Variants in SERPINI1 observed in about 807,000 individuals in gnomAD.
SERPINI1 encodes serpin family I member 1.
A neutral mutation model predicts 41.1 loss-of-function variants in SERPINI1; 19 were observed. The ratio of observed to expected loss-of-function variants is 0.46; its 90% confidence interval spans 0.32 to 0.68. The LOEUF (loss-of-function observed/expected upper bound fraction) is 0.68, where lower values mean the gene tolerates loss of function less well. Among genes scored for constraint, SERPINI1 ranks in the 30% least tolerant of loss-of-function variants. SERPINI1 has a pLI of 0.03. For missense variants in SERPINI1, 460 were observed against 479.2 expected (o/e 0.96, Z 0.37); for synonymous variants, 138 against 156.6 (o/e 0.88, Z 0.89).
intron 6 of SERPINI1, among the ~76,000 whole-genome samples, chr3:167,815,757 C>T (rs1472240681): frequency 6.6e-6 from 1 of 152,126 alleles, no homozygotes; most frequent in Non-Finnish European, 1.5e-5. Context: ...GGCTGATTGT[C>T]TTAAGGTCTC....
At chr3:167,778,204 T>C (rs1441566585) in intron 1 of SERPINI1, among the ~76,000 whole-genome samples, 3 of 151,244 alleles carry the variant, frequency 2.0e-5, no homozygotes, top group Non-Finnish European at 2.9e-5. Context: ...CTTGCATGCA[T>C]GTAAAATAAC....
intron 1 of SERPINI1, among the ~76,000 whole-genome samples, chr3:167,778,058 T>C (rs1199888247): frequency 6.6e-6 from 1 of 152,200 alleles, no homozygotes; most frequent in Non-Finnish European, 1.5e-5. Flanking sequence ...CTTCCCAGCA[T>C]TCAGAATCAT....
chr3:167,797,258 TG>T (rs1307737547), intron 5 of SERPINI1, among the ~76,000 whole-genome samples: 2 of 152,202 alleles, frequency 1.3e-5, no homozygotes, highest in Non-Finnish European at 2.9e-5. Context: ...CTTTGTCAGA[TG>T]GATAGATTGG....
At chr3:167,752,809 C>G (rs754830800) in intron 1 of SERPINI1, among the ~76,000 whole-genome samples, 2 of 151,918 alleles carry the variant, frequency 1.3e-5, no homozygotes, top group Non-Finnish European at 2.9e-5. Context: ...TGCCATCAGG[C>G]CTTCATATTA....
chr3:167,738,010 A>G (rs1049887776), intron 1 of SERPINI1, among the ~76,000 whole-genome samples: 11 of 152,056 alleles, frequency 7.2e-5, no homozygotes, highest in African/African-American at 2.4e-4. Flanking sequence ...AATATATGGC[A>G]TTTATTTTTT....
intron 1 of SERPINI1, among the ~76,000 whole-genome samples, chr3:167,774,001 G>T (rs559783853): frequency 2.1e-4 from 32 of 152,148 alleles, no homozygotes; most frequent in Middle Eastern, 3.4e-3. Context: ...ATCAGTTAGA[G>T]ATTTCTTCTG....
At chr3:167,781,411 G>A (rs1329117937) in intron 1 of SERPINI1, among the ~76,000 whole-genome samples, 1 of 151,996 alleles carries the variant, frequency 6.6e-6, no homozygotes, top group African/African-American at 2.4e-5. Flanking sequence ...TGTGATTGAT[G>A]TAGTCATTCT....
intron 4 of SERPINI1, among the ~76,000 whole-genome samples, chr3:167,793,596 A>AT (rs141371005): frequency 1.9e-4 from 27 of 140,612 alleles, no homozygotes; most frequent in East Asian, 1.0e-3. Flanking sequence ...ATATATATAT[A>AT]TTTTTAATTA....
At chr3:167,808,090 C>G (rs1294076178) in intron 6 of SERPINI1, among the ~76,000 whole-genome samples, 2 of 151,468 alleles carry the variant, frequency 1.3e-5, no homozygotes, top group Non-Finnish European at 2.9e-5. Flanking sequence ...TGTACTCCAG[C>G]CTGGGCAACA....
intron 1 of SERPINI1, among the ~76,000 whole-genome samples, chr3:167,783,945 G>A (rs561251743): frequency 7.9e-5 from 12 of 152,180 alleles, no homozygotes; most frequent in Non-Finnish European, 1.3e-4. Context: ...CAGCCACATG[G>A]TCCAAATTTC....
At chr3:167,807,387 T>C (rs1303184647) in intron 6 of SERPINI1, 46 bp downstream of exon 6, 1 of 1,203,702 alleles carries the variant, frequency 8.3e-7, no homozygotes, top group Admixed American at 1.7e-5. Context: ...CCATAAGAGC[T>C]TTATTAAATG....
At chr3:167,789,565 G>A (rs1727429486) in intron 2 of SERPINI1, among the ~76,000 whole-genome samples, 187 bp downstream of exon 2, 1 of 152,150 alleles carries the variant, frequency 6.6e-6, no homozygotes, top group Non-Finnish European at 1.5e-5. Context: ...CTGGCTGAAT[G>A]AATCTAAGGA....
rs13080325 is a variant in SERPINI1 at position 167,792,414 on chromosome 3, A to G, written c.482-176A>G. Among the ~76,000 whole-genome samples, 18,925 of 151,132 alleles carry G rather than the reference A, an allele frequency of 0.13. 1,406 individuals carry two copies. The highest frequency in any genetic ancestry group is 0.21 in the African/African-American group (8,437 of 41,058). On this transcript the variant is annotated intron_variant, in intron 3 of 8. Coordinates refer to ENST00000446050, the MANE Select transcript of SERPINI1 (RefSeq NM_001122752.2). ...ATATATATATATGTAGTGTGTGTGT[A>G]TGTGTGTGTGTATAACTCTTTTCCC...
chr3:167,793,838 A>ATGTGTG (rs56401913), intron 4 of SERPINI1, among the ~76,000 whole-genome samples: 30,539 of 141,108 alleles, frequency 0.22, 3,820 homozygotes, highest in Non-Finnish European at 0.3. Flanking sequence ...GGCCATATGT[A>ATGTGTG]TGTGTGTGTG....
chr3:167,794,640 A>C lies in SERPINI1; in HGVS notation c.697A>C (p.Asn233His). ...FYYGEFSDGS[N>H]EAGGIYQVLE... is the part of the protein sequence containing the mutation. ...TTTAGGGGAATTTAGTGATGGCTCCAATGAAGCTGGTGGTATCTACCAAGT... is the reference window on the plus strand; with the variant it reads ...TTTAGGGGAATTTAGTGATGGCTCCCATGAAGCTGGTGGTATCTACCAAGT... Residue 233 changes from asparagine to histidine, a missense_variant, in exon 5 of 9, where the codon AAT (asparagine) becomes CAT (histidine). Asn to His is a moderately conservative substitution (Grantham distance 68). Transcript: ENST00000446050. The C allele has an allele frequency of 6.2e-7, 1 of 1,613,456 alleles. No homozygotes were observed. Among genetic ancestry groups the C allele is most frequent in the Non-Finnish European group, 8.5e-7 (1 of 1,179,728 alleles).
intron 6 of SERPINI1, among the ~76,000 whole-genome samples, chr3:167,813,184 T>TA (rs1290772121): frequency 6.6e-6 from 1 of 152,212 alleles, no homozygotes; most frequent in Non-Finnish European, 1.5e-5. Context: ...AAGGCTCTAT[T>TA]TCTCTCATTG....
At chr3:167,773,937 C>T (rs1331822992) in intron 1 of SERPINI1, among the ~76,000 whole-genome samples, 1 of 151,992 alleles carries the variant, frequency 6.6e-6, no homozygotes, top group East Asian at 1.9e-4. Flanking sequence ...AAGTGTCAGC[C>T]ACAAGTATTT....
intron 1 of SERPINI1, among the ~76,000 whole-genome samples, chr3:167,763,227 A>G (rs996110669): frequency 1.4e-4 from 22 of 152,146 alleles, no homozygotes; most frequent in African/African-American, 5.1e-4. Flanking sequence ...CAATAATGCT[A>G]GAAAAAAAAG....
chr3:167,810,411 G>A (rs1388424620), intron 6 of SERPINI1, among the ~76,000 whole-genome samples: 3 of 152,094 alleles, frequency 2.0e-5, no homozygotes, highest in East Asian at 3.9e-4. Context: ...GCACTAAAGT[G>A]AATATTCCAA....
Sources: gnomAD v4.1 joint callset for allele counts (sites outside exome capture counted in the v4.1 genomes callset) on GRCh38, gnomAD v4.1.1 for gene constraint, MANE v1.5 for transcripts, NCBI Gene and HGNC (gene_info 2026-07-23, HGNC 2026-07-21) for gene names.